The following ARHGEF11 variants were observed in gnomAD, a reference collection of about 807,000 sequenced individuals.
The protein encoded by ARHGEF11 is Rho guanine nucleotide exchange factor 11, also known as Rho guanine exchange factor (GEF) 11.
Under a neutral mutation model 193.7 loss-of-function variants are expected in ARHGEF11, and 55 were observed. The observed-to-expected ratio is 0.28, with a 90% CI of 0.23 to 0.36. The LOEUF is 0.36. Among genes scored for constraint, ARHGEF11 ranks in the 10% least tolerant of loss-of-function variants. ARHGEF11 has a pLI of 1.00. For synonymous variants in ARHGEF11, 693 were observed against 768.0 expected, an observed-to-expected ratio of 0.90 and a Z score of 1.62; for missense variants, 1,723 against 2,005.6, an observed-to-expected ratio of 0.86 and a Z score of 2.69.
intron 21 of ARHGEF11, among the ~76,000 whole-genome samples, chr1:156,953,800 A>C (rs999883098): frequency 6.6e-6 from 1 of 152,172 alleles, no homozygotes; most frequent in Admixed American, 6.5e-5. Context: ...TGTAGGCTCT[A>C]AGCTTCTTGT....
chr1:157,021,572 A>AAAT, intron 1 of ARHGEF11, among the ~76,000 whole-genome samples: 1 of 152,318 alleles, frequency 6.6e-6, no homozygotes, highest in East Asian at 1.9e-4. Context: ...TCATAAAAGG[A>AAAT]AATCGTTTAA....
chr1:156,960,982 C>T (rs916999391), intron 14 of ARHGEF11, among the ~76,000 whole-genome samples: 1 of 152,252 alleles, frequency 6.6e-6, no homozygotes, highest in Non-Finnish European at 1.5e-5. Context: ...AACCTCCCTA[C>T]TCAAGACCCA....
chr1:157,014,193 T>A (rs1668918029), intron 1 of ARHGEF11, among the ~76,000 whole-genome samples: 1 of 152,200 alleles, frequency 6.6e-6, no homozygotes, highest in African/African-American at 2.4e-5. Flanking sequence ...ATCATTAGAT[T>A]GTATTGCCTC....
intron 1 of ARHGEF11, among the ~76,000 whole-genome samples, chr1:157,007,208 T>C (rs1385494976): frequency 6.7e-6 from 1 of 150,322 alleles, no homozygotes; most frequent in Admixed American, 6.6e-5. Context: ...AACAAAGAAG[T>C]AGGAGGAAAT....
intron 13 of ARHGEF11, among the ~76,000 whole-genome samples, chr1:156,962,263 G>A (rs1477677971): frequency 6.6e-6 from 1 of 152,120 alleles, no homozygotes; most frequent in Non-Finnish European, 1.5e-5. Context: ...CCTGTGGATG[G>A]CTGTTCATTC....
In ARHGEF11 at chr1:156,960,398, C is replaced by T. The variant is rs371667558; in HGVS notation, c.1282+20G>A. ...AGAAAGCTACCAAGAAGAGACTTACCGACCAATGAGCCAACTTACCAATTT... is the reference window on the plus strand; with the variant it reads ...AGAAAGCTACCAAGAAGAGACTTACTGACCAATGAGCCAACTTACCAATTT... On this transcript the variant is annotated intron_variant, in intron 15 of 40. Transcript: ENST00000368194. 2.3e-5 allele frequency: 37 copies of T among 1,613,456 alleles called. No individual in the cohort carries two copies. Among genetic ancestry groups the T allele is most frequent in the African/African-American group, 4.0e-5 (3 of 74,874 alleles).
intron 7 of ARHGEF11, among the ~76,000 whole-genome samples, chr1:156,973,932 G>A (rs1462602167): frequency 6.6e-6 from 1 of 152,146 alleles, no homozygotes; most frequent in Non-Finnish European, 1.5e-5. Context: ...AAGAACACTG[G>A]TTTGAAAATG....
chr1:156,939,402 C>T (rs942167797), intron 37 of ARHGEF11, 146 bp downstream of exon 37: 6 of 1,083,912 alleles, frequency 5.5e-6, no homozygotes, highest in African/African-American at 1.6e-5. Flanking sequence ...CTGATATCGG[C>T]GTTGTCTCCT....
At chr1:156,954,825 A>T in intron 21 of ARHGEF11, 67 bp downstream of exon 21, 1 of 1,324,332 alleles carries the variant, frequency 7.6e-7, no homozygotes, top group Non-Finnish European at 1.1e-6. Context: ...AACAGAAAAG[A>T]CAAGATTTGG....
intron 3 of ARHGEF11, among the ~76,000 whole-genome samples, chr1:156,982,400 C>A (rs1438710625): frequency 6.6e-6 from 1 of 152,170 alleles, no homozygotes; most frequent in African/African-American, 2.4e-5. Context: ...ACAGGCAGAA[C>A]ACAGACTATA....
intron 11 of ARHGEF11, chr1:156,963,813 A>T: frequency 7.2e-7 from 1 of 1,381,668 alleles, no homozygotes; most frequent in East Asian, 2.7e-5. Flanking sequence ...GCAGATTCAG[A>T]GCAGCCTGGT....
intron 1 of ARHGEF11, among the ~76,000 whole-genome samples, chr1:157,028,261 A>G (rs1309848950): frequency 6.6e-6 from 1 of 152,250 alleles, no homozygotes; most frequent in African/African-American, 2.4e-5. Flanking sequence ...ATTGGAGACT[A>G]TAAGACATGA....
At chr1:157,024,807 G>A (rs1670445288) in intron 1 of ARHGEF11, among the ~76,000 whole-genome samples, 1 of 151,520 alleles carries the variant, frequency 6.6e-6, no homozygotes, top group South Asian at 2.1e-4. Flanking sequence ...CAAAACAACA[G>A]ATTTTTAACT....
At chr1:156,986,518 T>A (rs1033171546) in intron 1 of ARHGEF11, among the ~76,000 whole-genome samples, 2 of 151,870 alleles carry the variant, frequency 1.3e-5, no homozygotes, top group African/African-American at 4.8e-5. Context: ...ATGGGGCTGA[T>A]GGAACAGAAC....
intron 1 of ARHGEF11, among the ~76,000 whole-genome samples, chr1:157,034,411 A>G (rs1208975013): frequency 6.6e-6 from 1 of 152,230 alleles, no homozygotes; most frequent in Non-Finnish European, 1.5e-5. Flanking sequence ...CCATGGGGAA[A>G]TCCCCAGAAC....
At chr1:156,943,502 T>A (rs1418157450) in intron 32 of ARHGEF11, among the ~76,000 whole-genome samples, 1 of 152,190 alleles carries the variant, frequency 6.6e-6, no homozygotes, top group Non-Finnish European at 1.5e-5. Flanking sequence ...ACACTACACT[T>A]CTCATTGAAA....
chr1:156,990,611 C>T (rs553703913), intron 1 of ARHGEF11, among the ~76,000 whole-genome samples: 8 of 152,152 alleles, frequency 5.3e-5, no homozygotes, highest in Non-Finnish European at 1.2e-4. Flanking sequence ...TAAAGAATGT[C>T]ATCTCATCCC....
rs113786464 is a variant in ARHGEF11, at chr1:157,026,811, T to C, written c.32+17488A>G. Among the ~76,000 whole-genome samples, 549 of 152,310 alleles carry C rather than the reference T, an allele frequency of 3.6e-3. 1 individual carries two copies. The highest frequency in any genetic ancestry group is 7.7e-3 in the African/African-American group (321 of 41,566). On this transcript the variant is annotated intron_variant, in intron 1 of 40. Transcript: ENST00000368194. The stretch of plus-strand genomic sequence containing the variant: ...TAAAGTGCTGAACAAATGCTAACTG[T>C]TATTATGGATCTATCCTGACCCACT...
chr1:156,935,825 A>T lies in ARHGEF11; in HGVS notation c.*175T>A. 1 of 683,902 alleles carries T rather than the reference A, an allele frequency of 1.5e-6. No homozygotes were observed. The allele number at this position is 683,902 out of a possible 1,614,324, so 42.4% of individuals were successfully genotyped here. On this transcript the variant is annotated 3_prime_UTR_variant, in exon 41 of 41. Coordinates refer to ENST00000368194, the MANE Select transcript of ARHGEF11 (RefSeq NM_198236.3). Reference sequence around the variant, plus strand: ...GAAAAGACACTGAAACCTGACTCCGACTTGAGCAGACCAAGCAACATGCGG... The same window carrying T: ...GAAAAGACACTGAAACCTGACTCCGTCTTGAGCAGACCAAGCAACATGCGG...
Sources: allele counts gnomAD v4.1 joint callset (sites outside exome capture counted in the v4.1 genomes callset), GRCh38; gene constraint gnomAD v4.1.1; transcripts MANE v1.5; gene names NCBI Gene and HGNC (gene_info 2026-07-23, HGNC 2026-07-21).